Variants in RAB4B observed in about 807,000 individuals in gnomAD.
RAB4B encodes the protein ras-related protein Rab-4B.
A neutral mutation model predicts 28.3 loss-of-function variants in RAB4B; 15 were observed. The observed-to-expected ratio is 0.53, with a 90% confidence interval of 0.35 to 0.82. The LOEUF (loss-of-function observed/expected upper bound fraction) is 0.82. Among genes scored for constraint, RAB4B ranks in the 40% least tolerant of loss-of-function variants. The pLI is 0.01. For missense variants in RAB4B, 244 were observed against 288.5 expected, an observed-to-expected ratio of 0.85 and a Z score of 1.12; for synonymous variants, 108 against 116.3, an observed-to-expected ratio of 0.93 and a Z score of 0.46.
rs777904747 is a variant in RAB4B at position 40,780,441 on chromosome 19, G to C, written c.154G>C (p.Val52Leu). Residue 52 changes from valine to leucine, a missense_variant, in exon 3 of 8, where the codon GTG becomes CTG. Coordinates refer to ENST00000357052, the MANE Select transcript of RAB4B (RefSeq NM_016154.5). ...GGAGTTTGGATCCCGGGTGGTCAACGTGGGTGGGAAGACTGTGAAGCTACA... is the reference window on the plus strand; with the variant it reads ...GGAGTTTGGATCCCGGGTGGTCAACCTGGGTGGGAAGACTGTGAAGCTACA... ...GVEFGSRVVNVGGKTVKLQIW... is the reference protein window; with the variant it reads ...GVEFGSRVVNLGGKTVKLQIW... 6.2e-7 allele frequency: 1 copy of C among 1,613,722 alleles called. No homozygotes were observed. The highest frequency in any genetic ancestry group is 8.5e-7 in the Non-Finnish European group (1 of 1,179,854).
intron 5 of RAB4B, chr19:40,785,746 T>A: frequency 6.6e-6 from 1 of 152,438 alleles, no homozygotes; most frequent in Non-Finnish European, 1.5e-5. Flanking sequence ...GTTCCTGTCC[T>A]AGATGGTGCT....
At chr19:40,779,920 C>T (rs1458344284) in intron 1 of RAB4B, 99 bp from the exon 2 acceptor site, 1 of 1,602,884 alleles carries the variant, frequency 6.2e-7, no homozygotes. Flanking sequence ...CTCCCTCTAA[C>T]TGTGATGGTT....
At chr19:40,793,565 C>CTTTTTTTTTTT (rs1269603015) in intron 7 of RAB4B, among the ~76,000 whole-genome samples, 1 of 123,836 alleles carries the variant, frequency 8.1e-6, no homozygotes, top group South Asian at 2.7e-4. Flanking sequence ...CTTTTCTTTT[C>CTTTTTTTTTTT]TTTTTTGTTT....
chr19:40,795,592 G>A (rs138694381), intron 7 of RAB4B, among the ~76,000 whole-genome samples: 2,905 of 151,680 alleles, frequency 0.019, 83 homozygotes, highest in African/African-American at 0.065. Flanking sequence ...TAGAGACGGG[G>A]TTTCACCATT....
intron 3 of RAB4B, among the ~76,000 whole-genome samples, chr19:40,782,197 G>T (rs1306405906): frequency 2.0e-5 from 3 of 152,094 alleles, no homozygotes; most frequent in Non-Finnish European, 4.4e-5. Context: ...CAGAGAGAGG[G>T]GCTGAAGGAT....
In RAB4B at chr19:40,783,423, G is replaced by A. The variant is rs151249091; in HGVS notation, c.213-355G>A. ...ATCGTACCACTGCACTCCAGCCTGG[G>A]CTACAGAGCAAGACCATCAAAAAAA... On this transcript the variant is annotated intron_variant, in intron 3 of 7. Coordinates refer to ENST00000357052, the MANE Select transcript of RAB4B (RefSeq NM_016154.5). Among the ~76,000 whole-genome samples the A allele has an allele frequency of 2.6e-4, 40 of 152,136 alleles. 1 individual carries two copies. The highest frequency in any genetic ancestry group is 1.4e-3 in the Admixed American group (21 of 15,254).
At chr19:40,787,061 A>G (rs899061523) in intron 7 of RAB4B, 83 bp downstream of exon 7, 3 of 1,191,872 alleles carry the variant, frequency 2.5e-6, no homozygotes, top group Non-Finnish European at 3.6e-6. Context: ...TGAACATGTG[A>G]TGACAAGAGA....
intron 7 of RAB4B, among the ~76,000 whole-genome samples, chr19:40,789,112 A>G (rs953198238): frequency 2.6e-5 from 4 of 151,644 alleles, no homozygotes; most frequent in African/African-American, 4.8e-5. Context: ...CCAGGCTGGT[A>G]TCAAACTCCT....
intron 7 of RAB4B, among the ~76,000 whole-genome samples, chr19:40,793,596 AG>A (rs143458290): frequency 0.42 from 39,120 of 93,592 alleles, 6,740 homozygotes; most frequent in East Asian, 0.55. Context: ...TTTTTTTTTT[AG>A]ATATGGTCTC....
intron 5 of RAB4B, 46 bp from the exon 6 acceptor site, chr19:40,786,619 G>A: frequency 6.2e-7 from 1 of 1,610,440 alleles, no homozygotes; most frequent in Non-Finnish European, 8.5e-7. Context: ...TCAGTGGAGG[G>A]TGGGGACTAA....
intron 7 of RAB4B, 43 bp from the exon 8 acceptor site, chr19:40,796,527 A>C (rs927057361): frequency 6.6e-6 from 1 of 152,638 alleles, no homozygotes; most frequent in African/African-American, 2.4e-5. Context: ...CCGGCTGGAC[A>C]GACCCCGGGG....
chr19:40,782,640 C>A (rs778616807), intron 3 of RAB4B, among the ~76,000 whole-genome samples: 11 of 151,356 alleles, frequency 7.3e-5, no homozygotes, highest in Non-Finnish European at 1.6e-4. Flanking sequence ...TGGCGAAACC[C>A]CATCTCTACT....
intron 3 of RAB4B, among the ~76,000 whole-genome samples, chr19:40,781,159 G>A (rs114794104): frequency 6.7e-6 from 1 of 150,200 alleles, no homozygotes; most frequent in Non-Finnish European, 1.5e-5. Context: ...GCCAGGCTGT[G>A]GTGGTGGATG....
At chr19:40,791,164 A>C (rs527391835) in intron 7 of RAB4B, among the ~76,000 whole-genome samples, 89 of 151,684 alleles carry the variant, frequency 5.9e-4, no homozygotes, top group Non-Finnish European at 1.0e-3. Context: ...CAATTTTTGT[A>C]TTTTTAATAC....
At chr19:40,794,283 G>T (rs2083187780) in intron 7 of RAB4B, among the ~76,000 whole-genome samples, 1 of 151,812 alleles carries the variant, frequency 6.6e-6, no homozygotes, top group African/African-American at 2.4e-5. Context: ...CAACATGTTG[G>T]CCAGGCTGGT....
intron 1 of RAB4B, chr19:40,779,676 G>A: frequency 3.8e-6 from 1 of 261,158 alleles, no homozygotes; most frequent in Non-Finnish European, 7.4e-6. Context: ...CTGGGAGGTG[G>A]AGGTTGCGGT....
chr19:40,786,914 G>A lies in RAB4B; in HGVS notation c.593G>A (p.Arg198Gln), dbSNP rs376333639. 13 of 1,613,918 alleles carry A rather than the reference G, an allele frequency of 8.1e-6. No individual in the cohort carries two copies. The highest frequency in any genetic ancestry group is 4.5e-5 in the East Asian group (2 of 44,888). ...GGGGATGCGTCCCTCCGCCAGCTTC[G>A]GCAGCCTCGGAGTGCCCAGGCCGTG... ...QYGDASLRQL[R>Q]QPRSAQAVAP... Residue 198 changes from arginine to glutamine, a missense_variant, in exon 7 of 8, where the codon CGG becomes CAG. By Grantham distance (43) the Arg-to-Gln change is conservative. Transcript: ENST00000357052.
At chr19:40,787,141 G>A (rs1423527927) in intron 7 of RAB4B, among the ~76,000 whole-genome samples, 163 bp downstream of exon 7, 1 of 151,788 alleles carries the variant, frequency 6.6e-6, no homozygotes, top group African/African-American at 2.4e-5. Flanking sequence ...AGTGGCTCAC[G>A]CCTGTAATCT....
Position 40,783,806 on chromosome 19 carries a change from G to A in RAB4B, c.241G>A (p.Ala81Thr). Reference sequence around the variant, plus strand: ...AGTGACGCGGAGTTATTACCGAGGGGCGGCTGGAGCCCTGCTGGTGTACGA... The same window carrying A: ...AGTGACGCGGAGTTATTACCGAGGGACGGCTGGAGCCCTGCTGGTGTACGA... ...RSVTRSYYRG[A>T]AGALLVYDIT... The change falls in exon 4 of 8, where the codon GCG becomes ACG. Residue 81 changes from alanine to threonine, a missense_variant. Coordinates refer to ENST00000357052, the MANE Select transcript of RAB4B (RefSeq NM_016154.5). 1 of 1,579,290 alleles carries A rather than the reference G, an allele frequency of 6.3e-7. No individual in the cohort carries two copies. The highest frequency in any genetic ancestry group is 8.6e-7 in the Non-Finnish European group (1 of 1,159,872).
Sources: allele counts gnomAD v4.1 joint callset (sites outside exome capture counted in the v4.1 genomes callset), GRCh38; gene constraint gnomAD v4.1.1; transcripts MANE v1.5; gene names NCBI Gene and HGNC (gene_info 2026-07-23, HGNC 2026-07-21).